ATG10: variants seen among roughly 807,000 people sequenced by gnomAD.
ATG10 encodes autophagy related 10.
Under a neutral mutation model 32.1 loss-of-function variants are expected in ATG10, and 30 were observed. The ratio of observed to expected loss-of-function variants is 0.94; its 90% CI spans 0.70 to 1.27. The LOEUF (loss-of-function observed/expected upper bound fraction) is 1.27. Among genes scored for constraint, ATG10 ranks in the 50% most tolerant of loss-of-function variants. The probability of loss-of-function intolerance (pLI) is 0.00; values close to 1 mark genes in which losing one functional copy is unlikely to be tolerated. For synonymous variants in ATG10, 87 were observed against 91.5 expected (o/e 0.95, Z 0.28); for missense variants, 233 against 262.3 (o/e 0.89, Z 0.77).
chr5:82,229,773 A>G (rs1343906147), intron 5 of ATG10, among the ~76,000 whole-genome samples: 1 of 152,176 alleles, frequency 6.6e-6, no homozygotes. Flanking sequence ...TGGAGGGCCA[A>G]CTATACTAGC....
intron 3 of ATG10, among the ~76,000 whole-genome samples, chr5:82,122,508 G>A (rs555353765): frequency 1.8e-4 from 27 of 152,194 alleles, no homozygotes; most frequent in Non-Finnish European, 2.9e-4. Context: ...AAGACAAGTC[G>A]AATCTAATTA....
chr5:82,081,551 G>T (rs1283049981), intron 3 of ATG10, among the ~76,000 whole-genome samples: 1 of 152,174 alleles, frequency 6.6e-6, no homozygotes, highest in Non-Finnish European at 1.5e-5. Context: ...CTAATTTATT[G>T]AGAGTTTTTA....
intron 6 of ATG10, among the ~76,000 whole-genome samples, chr5:82,253,111 G>A (rs1197602029): frequency 1.3e-5 from 2 of 152,162 alleles, no homozygotes; most frequent in Non-Finnish European, 2.9e-5. Context: ...CCCTAATGAG[G>A]GATCCTTACA....
At chr5:82,121,950 T>G (rs1277623677) in intron 3 of ATG10, among the ~76,000 whole-genome samples, 1 of 151,074 alleles carries the variant, frequency 6.6e-6, no homozygotes, top group Admixed American at 6.6e-5. Flanking sequence ...AGTTTTTTTT[T>G]TTTTTTTTTT....
intron 5 of ATG10, among the ~76,000 whole-genome samples, chr5:82,209,192 C>T (rs1449851080): frequency 6.6e-6 from 1 of 152,152 alleles, no homozygotes; most frequent in Non-Finnish European, 1.5e-5. Context: ...AGATATTAAT[C>T]TGACTTATTT....
intron 3 of ATG10, among the ~76,000 whole-genome samples, chr5:82,091,398 C>T (rs1448043037): frequency 1.3e-5 from 2 of 152,062 alleles, no homozygotes; most frequent in African/African-American, 2.4e-5. Flanking sequence ...AGCTTTTTTC[C>T]TCTCCAATTC....
chr5:82,227,352 C>CAT (rs113979616), intron 5 of ATG10, among the ~76,000 whole-genome samples: 18 of 151,554 alleles, frequency 1.2e-4, no homozygotes, highest in African/African-American at 2.9e-4. Context: ...AATTCACACA[C>CAT]ATATATATAT....
At chr5:81,989,723 C>T (rs995280801) in intron 2 of ATG10, among the ~76,000 whole-genome samples, 2 of 151,864 alleles carry the variant, frequency 1.3e-5, no homozygotes, top group Admixed American at 6.6e-5. Context: ...TCAGCCTCTT[C>T]GAGTAGCTGG....
intron 3 of ATG10, among the ~76,000 whole-genome samples, chr5:82,111,889 T>A (rs1167568053): frequency 6.6e-6 from 1 of 152,036 alleles, no homozygotes; most frequent in African/African-American, 2.4e-5. Flanking sequence ...AGATGATGGA[T>A]ATTTGTGTTC....
chr5:82,017,641 AC>A (rs2149702463), intron 2 of ATG10, among the ~76,000 whole-genome samples: 1 of 152,254 alleles, frequency 6.6e-6, no homozygotes, highest in South Asian at 2.1e-4. Flanking sequence ...CAAATGCTTA[AC>A]AAAAACTATT....
chr5:82,043,927 G>A (rs1763160328), intron 2 of ATG10, among the ~76,000 whole-genome samples: 1 of 151,910 alleles, frequency 6.6e-6, no homozygotes, highest in African/African-American at 2.4e-5. Context: ...ATCTTCTTCT[G>A]AGCCCTCCAA....
chr5:82,166,576 C>A (rs1581761812), intron 4 of ATG10, among the ~76,000 whole-genome samples: 1 of 152,162 alleles, frequency 6.6e-6, no homozygotes, highest in East Asian at 1.9e-4. Flanking sequence ...TAAAATGTAT[C>A]AACCTTTACT....
chr5:82,087,964 C>T (rs1764747781), intron 3 of ATG10, among the ~76,000 whole-genome samples: 1 of 151,746 alleles, frequency 6.6e-6, no homozygotes, highest in Non-Finnish European at 1.5e-5. Context: ...TTTTGTTTAC[C>T]AATTATACCT....
intron 5 of ATG10, among the ~76,000 whole-genome samples, chr5:82,200,463 CTTTTTTTTTTTTTTTT>C (rs764388608): frequency 1.9e-5 from 1 of 52,556 alleles, no homozygotes; most frequent in African/African-American, 7.8e-5. Flanking sequence ...TCCCTAACTT[CTTTTTTTTTTTTTTTT>C]TTTTTTTTTT....
At chr5:82,192,878 A>G (rs184131432) in intron 5 of ATG10, among the ~76,000 whole-genome samples, 9 of 152,336 alleles carry the variant, frequency 5.9e-5, no homozygotes, top group Non-Finnish European at 8.8e-5. Flanking sequence ...GACATAGTAT[A>G]CTTAGTACAT....
At chr5:82,169,505 A>C (rs1386805473) in intron 4 of ATG10, among the ~76,000 whole-genome samples, 2 of 152,160 alleles carry the variant, frequency 1.3e-5, no homozygotes, top group Non-Finnish European at 2.9e-5. Context: ...ATAGGAAGAA[A>C]AATAGTGGAT....
intron 2 of ATG10, among the ~76,000 whole-genome samples, chr5:82,051,019 A>G (rs1763401961): frequency 6.6e-6 from 1 of 152,098 alleles, no homozygotes; most frequent in Non-Finnish European, 1.5e-5. Flanking sequence ...TGTTAAAAAA[A>G]CAATTCTACG....
At chr5:81,991,989 G>C (rs1416700847) in intron 2 of ATG10, 7 of 151,688 alleles carry the variant, frequency 4.6e-5, no homozygotes, top group Admixed American at 4.6e-4. Context: ...ACCATGCCTG[G>C]CTAATTTTTT....
intron 5 of ATG10, among the ~76,000 whole-genome samples, chr5:82,251,234 A>G (rs1361826616): frequency 1.3e-5 from 2 of 152,100 alleles, no homozygotes; most frequent in Non-Finnish European, 2.9e-5. Context: ...TACAGACATG[A>G]ATGTTTGGAG....
Sources: gnomAD v4.1 joint callset for allele counts (sites outside exome capture counted in the v4.1 genomes callset) on GRCh38, gnomAD v4.1.1 for gene constraint, MANE v1.5 for transcripts, NCBI Gene and HGNC (gene_info 2026-07-23, HGNC 2026-07-21) for gene names.